TFAP2A: variants seen among roughly 807,000 people sequenced by gnomAD.
The protein encoded by TFAP2A is transcription factor AP-2-alpha.
TFAP2A carries 7 observed loss-of-function variants against 41.5 expected under a neutral mutation model. The ratio of observed to expected loss-of-function variants is 0.17; its 90% CI spans 0.10 to 0.32. The LOEUF is 0.32. Ranked by LOEUF, TFAP2A falls within the 10% of genes least tolerant of loss-of-function variation. TFAP2A has a pLI of 1.00. For synonymous variants in TFAP2A, 247 were observed against 242.8 expected (o/e 1.02, Z -0.16); for missense variants, 416 against 563.3 (o/e 0.74, Z 2.65).
intron 1 of TFAP2A, chr6:10,412,413 G>T: frequency 3.2e-6 from 1 of 309,878 alleles, no homozygotes; most frequent in Non-Finnish European, 4.7e-6. Context: ...AGGAGCCCCG[G>T]GTGGGGAGAG....
chr6:10,405,548 A>G (rs1757672905), intron 3 of TFAP2A: 1 of 151,898 alleles, frequency 6.6e-6, no homozygotes, highest in African/African-American at 2.4e-5. Context: ...CCTAGTTAAA[A>G]CCATAAGCTC....
chr6:10,404,471 C>CGCAGG (rs1757593783), intron 4 of TFAP2A, 37 bp downstream of exon 4: 1 of 1,449,918 alleles, frequency 6.9e-7, no homozygotes, highest in African/African-American at 1.5e-5. Flanking sequence ...TTCCCCCGGC[C>CGCAGG]GCGGGGCGGG....
intron 1 of TFAP2A, among the ~76,000 whole-genome samples, chr6:10,413,052 C>T (rs6932237): frequency 2.6e-5 from 4 of 152,068 alleles, no homozygotes; most frequent in African/African-American, 9.7e-5. Flanking sequence ...CCGCCTGACG[C>T]CCCCCCAGAT....
chr6:10,410,207 G>A lies in TFAP2A; in HGVS notation c.180C>T (p.Phe60=), dbSNP rs1297198582. 17 of 691,714 alleles carry A rather than the reference G, an allele frequency of 2.5e-5. No homozygotes were observed. The African/African-American group carries it at 2.8e-4, about 11-fold the overall frequency. 42.8% of individuals were successfully genotyped at this position (691,714 alleles called of 1,614,324 possible). ...GGTAGATAGGCTGGTAGGGTGGGGG[G>A]AAGTATGGGGGCTGGAAGTCGGCAT... ...TPNADFQPPY[F]PPPYQPIYPQ... Residue 60 remains phenylalanine, a synonymous_variant, in exon 2 of 7, where the codon TTC becomes TTT. Coordinates refer to ENST00000379613, the MANE Select transcript of TFAP2A (RefSeq NM_001372066.1).
rs181105841 is a variant in TFAP2A, at chr6:10,398,552, G to C, written c.1185C>G (p.Ala395=). Residue 395 remains alanine, a synonymous_variant, in exon 7 of 7, where the codon GCC becomes GCG. Coordinates refer to ENST00000379613, the MANE Select transcript of TFAP2A (RefSeq NM_001372066.1). This position sits in a 1 kb window ranked among gnomAD's most constrained non-coding sequence, Gnocchi z 5.3. The part of the protein sequence containing the change: ...SHGFGSPAVC[A]AVTALQNYLT... Reference sequence around the variant, plus strand: ...GATAGTTCTGCAGGGCCGTGACCGCGGCACACACCGCGGGGCTGCCGAAGC... The same window carrying C: ...GATAGTTCTGCAGGGCCGTGACCGCCGCACACACCGCGGGGCTGCCGAAGC... 9.1e-5 allele frequency: 147 copies of C among 1,614,216 alleles called. 2 individuals are homozygous for C. In the East Asian group the frequency reaches 3.0e-3, roughly 33 times the overall value.
chr6:10,410,135 C>T lies in TFAP2A; in HGVS notation c.252G>A (p.Leu84=). 1 of 1,608,224 alleles carries T rather than the reference C, an allele frequency of 6.2e-7. No individual in the cohort carries two copies. The highest frequency in any genetic ancestry group is 8.5e-7 in the Non-Finnish European group (1 of 1,179,028). The part of the protein sequence containing the change: ...PYSHVNDPYS[L]NPLHAQPQPQ... ...GCTGCGGCTGGGCGTGCAGGGGGTT[C>T]AGGCTGTAGGGGTCGTTGACGTGGG... The change falls in exon 2 of 7, where the codon CTG becomes CTA. Residue 84 remains leucine, a synonymous_variant. Transcript: ENST00000379613.
Position 10,397,443 on chromosome 6 carries a change from T to C in TFAP2A, c.*974A>G, listed in dbSNP as rs1254305813. The stretch of plus-strand genomic sequence containing the variant: ...TTTCGGTTCAATGAAAAGCTAAATG[T>C]AATAATACTAATTATAGATAAAATT... On this transcript the variant is annotated 3_prime_UTR_variant, in exon 7 of 7. Transcript: ENST00000379613. 1.3e-5 allele frequency: 2 copies of C among 152,160 alleles called. No individual in the cohort carries two copies. The highest frequency in any genetic ancestry group is 1.5e-5 in the Non-Finnish European group (1 of 68,030). The allele number at this position is 152,160 out of a possible 1,614,324, so 9.4% of individuals were successfully genotyped here.
intron 4 of TFAP2A, among the ~76,000 whole-genome samples, chr6:10,403,605 G>T (rs1468788056): frequency 6.7e-6 from 1 of 150,214 alleles, no homozygotes; most frequent in African/African-American, 2.4e-5. Flanking sequence ...TATTATTAAA[G>T]AAGAGAAGAA....
In TFAP2A at chr6:10,414,829, A is replaced by T. The variant is rs749590560; in HGVS notation, c.51+112T>A. 3.1e-5 allele frequency: 44 copies of T among 1,431,474 alleles called. 1 individual carries two copies. Among genetic ancestry groups the T allele is most frequent in the Non-Finnish European group, 4.1e-5 (42 of 1,015,956 alleles). 88.7% of individuals were successfully genotyped at this position (1,431,474 alleles called of 1,614,324 possible). On this transcript the variant is annotated intron_variant, in intron 1 of 6. Coordinates refer to ENST00000379613, the MANE Select transcript of TFAP2A (RefSeq NM_001372066.1). ...CCGAGGGACGGGCGCTGCGCTGGGG[A>T]AAGTTTGTCCCACCCGCGTTTCGCA...
At chr6:10,400,315 A>C (rs1761960431) in intron 6 of TFAP2A, 133 bp downstream of exon 6, 1 of 1,095,162 alleles carries the variant, frequency 9.1e-7, no homozygotes, top group African/African-American at 1.6e-5. Flanking sequence ...ACTATATATA[A>C]GATGGTGTTA....
intron 1 of TFAP2A, chr6:10,411,730 G>A (rs548207288): frequency 2.0e-6 from 3 of 1,527,972 alleles, no homozygotes; most frequent in South Asian, 1.2e-5. Flanking sequence ...CTCCAGTCAC[G>A]GCGCCGACGC....
chr6:10,415,883 G>T (rs1280982768), upstream of TFAP2A: 1 of 152,232 alleles, frequency 6.6e-6, no homozygotes, highest in East Asian at 1.9e-4. Flanking sequence ...GCTGGGGTTT[G>T]CAATCCCTTA....
chr6:10,404,918 T>G, intron 3 of TFAP2A, 179 bp from the exon 4 acceptor site: 1 of 628,060 alleles, frequency 1.6e-6, no homozygotes. Flanking sequence ...GCTCGAGCCC[T>G]TCCCTACCTC....
At position 10,398,310 on chromosome 6, in the gene TFAP2A, CAGT is replaced by C. The variant is rs1212463749; in HGVS notation, c.*104_*106del. On this transcript the variant is annotated 3_prime_UTR_variant, in exon 7 of 7. Coordinates refer to ENST00000379613, the MANE Select transcript of TFAP2A (RefSeq NM_001372066.1). This position sits in a 1 kb window ranked among gnomAD's most constrained non-coding sequence, Gnocchi z 5.3. The stretch of plus-strand genomic sequence containing the variant: ...GCGGCGGCGGCGGCAGCAGCAGCAG[CAGT>C]AGCAGCAGCAGGAAGGGTTGCTGAT... 5 of 1,590,316 alleles carry C rather than the reference CAGT, an allele frequency of 3.1e-6. No individual in the cohort carries two copies. The highest frequency in any genetic ancestry group is 1.1e-5 in the South Asian group (1 of 89,660).
At chr6:10,414,800 G>T in intron 1 of TFAP2A, 141 bp downstream of exon 1, 2 of 1,147,082 alleles carry the variant, frequency 1.7e-6, no homozygotes, top group South Asian at 2.5e-5. Flanking sequence ...TTCTTCGGGC[G>T]AATCCGAGGG....
rs35008125 is a variant in TFAP2A at position 10,402,555 on chromosome 6, A to G, written c.826T>C (p.Leu276=). 1,836 of 1,614,188 alleles carry G rather than the reference A, an allele frequency of 1.1e-3. 21 individuals carry two copies. In the African/African-American group the frequency reaches 0.022, roughly 19 times the overall value. Residue 276 remains leucine (L), a synonymous_variant, in exon 5 of 7, where the codon TTA becomes CTA. Transcript: ENST00000379613. The part of the protein sequence containing the change: ...SLREKLDKIG[L]NLPAGRRKAA... ...TTACGTCTCCCTGCAGGCAGATTTA[A>G]TCCTATTTTGTCCAGTTTTTCTCTT...
intron 3 of TFAP2A, chr6:10,406,375 C>A: frequency 5.7e-6 from 1 of 175,944 alleles, no homozygotes; most frequent in Non-Finnish European, 1.2e-5. Flanking sequence ...TGTTTTTTTC[C>A]TCTACTAAAG....
chr6:10,404,690 A>C lies in TFAP2A; in HGVS notation c.588T>G (p.Pro196=). ...KSNSNAVSAI[P]INKDNLFGGV... is the part of the protein sequence containing the mutation. ...CGCCGAAGAGGTTGTCCTTGTTAAT[A>C]GGGATGGCGGAGACGGCATTGCTGT... Residue 196 remains proline (P), a synonymous_variant, in exon 4 of 7, where the codon CCT becomes CCG. Coordinates refer to ENST00000379613, the MANE Select transcript of TFAP2A (RefSeq NM_001372066.1). 1 of 1,614,170 alleles carries C rather than the reference A, an allele frequency of 6.2e-7. No individual in the cohort carries two copies. Among genetic ancestry groups the C allele is most frequent in the Admixed American group, 1.7e-5 (1 of 60,034 alleles).
At chr6:10,415,122 G>A (rs1174362341), upstream of TFAP2A, 5 of 1,583,170 alleles carry the variant, frequency 3.2e-6, no homozygotes, top group Middle Eastern at 1.7e-4. Context: ...GGTGGAGGAG[G>A]AGAAGGAGGA....
Sources: gnomAD v4.1 joint callset for allele counts (sites outside exome capture counted in the v4.1 genomes callset) on GRCh38, gnomAD v4.1.1 for gene constraint, Gnocchi (gnomAD v3.1) non-coding constraint, MANE v1.5 for transcripts, NCBI Gene and HGNC (gene_info 2026-07-23, HGNC 2026-07-21) for gene names.